WDR33: variants seen among roughly 807,000 people sequenced by gnomAD.
WDR33 encodes WD repeat domain 33, also known as pre-mRNA 3' end processing protein WDR33.
In WDR33, 47 loss-of-function variants were observed where a neutral mutation model predicts 164.9. That is an observed-to-expected ratio of 0.29 (90% CI 0.23 to 0.36). The LOEUF (loss-of-function observed/expected upper bound fraction) is 0.36, where lower values mean the gene tolerates loss of function less well. Among genes scored for constraint, WDR33 ranks in the 10% least tolerant of loss-of-function variants. The pLI is 1.00. For missense variants in WDR33, 1,137 were observed against 1,754.1 expected (o/e 0.65, Z 6.28); for synonymous variants, 505 against 589.0 (o/e 0.86, Z 2.06).
intron 1 of WDR33, among the ~76,000 whole-genome samples, chr2:127,783,016 A>G (rs1688428798): frequency 6.6e-6 from 1 of 152,266 alleles, no homozygotes; most frequent in South Asian, 2.1e-4. Flanking sequence ...CTCAAAAACT[A>G]ATAATAATAA....
At position 127,702,191 on chromosome 2, in the gene WDR33, C is replaced by T. The variant is rs748604528; in HGVS notation, c.*4132G>A. 4.9e-6 allele frequency: 6 copies of T among 1,214,092 alleles called. No individual in the cohort carries two copies. The highest frequency in any genetic ancestry group is 3.2e-5 in the African/African-American group (2 of 63,480). 75.2% of individuals were successfully genotyped at this position (1,214,092 alleles called of 1,614,324 possible). On this transcript the variant is annotated 3_prime_UTR_variant, in exon 22 of 22. Coordinates refer to ENST00000322313, the MANE Select transcript of WDR33 (RefSeq NM_018383.5). ...TGCCCGTGTGAGGACCTCGCGCCCT[C>T]GCCGCTGGGGAAGTACGCGGAGCCA...
chr2:127,775,565 C>G (rs572114220), intron 1 of WDR33, among the ~76,000 whole-genome samples: 1 of 152,200 alleles, frequency 6.6e-6, no homozygotes, highest in Admixed American at 6.5e-5. Flanking sequence ...GTGGAGAGTA[C>G]CTGGATACAA....
chr2:127,773,569 T>C (rs1007399309), intron 1 of WDR33, among the ~76,000 whole-genome samples: 1 of 152,196 alleles, frequency 6.6e-6, no homozygotes, highest in Admixed American at 6.5e-5. Flanking sequence ...TGAAATAAGA[T>C]GAAAAATATT....
At chr2:127,736,286 GA>G (rs1278647949) in intron 7 of WDR33, 2 of 985,280 alleles carry the variant, frequency 2.0e-6, no homozygotes, top group Non-Finnish European at 2.4e-6. Flanking sequence ...TCCGGGGGAG[GA>G]AGAGGAGACT....
At position 127,724,240 on chromosome 2, in the gene WDR33, T is replaced by G. The variant is rs1686509754; in HGVS notation, c.1196+93A>C. 1 of 930,696 alleles carries G rather than the reference T, an allele frequency of 1.1e-6. No homozygotes were observed. The highest frequency in any genetic ancestry group is 1.6e-6 in the Non-Finnish European group (1 of 618,036). 57.7% of individuals were successfully genotyped at this position (930,696 alleles called of 1,614,324 possible). Reference sequence around the variant, plus strand: ...TCCCAAGAATAAGTTGGAATATAAATTACTATATCAATCAACCAATAAAAA... The same window carrying G: ...TCCCAAGAATAAGTTGGAATATAAAGTACTATATCAATCAACCAATAAAAA... On this transcript the variant is annotated intron_variant, in intron 11 of 21. Transcript: ENST00000322313. The surrounding 1 kb of genome is among the most constrained non-coding windows in gnomAD (Gnocchi z 4.8).
chr2:127,723,060 C>A lies in WDR33; in HGVS notation c.1292-16G>T, dbSNP rs1227213481. 2 of 1,583,640 alleles carry A rather than the reference C, an allele frequency of 1.3e-6. No individual in the cohort carries two copies. Among genetic ancestry groups the A allele is most frequent in the African/African-American group, 2.7e-5 (2 of 73,454 alleles). On this transcript the variant is annotated splice_polypyrimidine_tract_variant and intron_variant, in intron 12 of 21. Coordinates refer to ENST00000322313, the MANE Select transcript of WDR33 (RefSeq NM_018383.5). This position sits in a 1 kb window ranked among gnomAD's most constrained non-coding sequence, Gnocchi z 5.9. ...TCGAGGTCATCTATAAATAGTAATA[C>A]ACCATTGTCAATAGAGAATTTACAA... is the stretch of plus-strand genomic sequence containing the variant.
intron 7 of WDR33, among the ~76,000 whole-genome samples, chr2:127,757,078 A>G (rs1451436333): frequency 8.0e-6 from 1 of 124,846 alleles, no homozygotes; most frequent in Non-Finnish European, 1.6e-5. Flanking sequence ...ACCTGTCTCC[A>G]AAAAAAAAAA....
At chr2:127,777,909 G>A (rs1443598648) in intron 1 of WDR33, among the ~76,000 whole-genome samples, 2 of 152,150 alleles carry the variant, frequency 1.3e-5, no homozygotes, top group Non-Finnish European at 2.9e-5. Context: ...ACTGCACCTG[G>A]TCAATTCTGC....
At chr2:127,734,619 C>T (rs1205643634) in intron 7 of WDR33, among the ~76,000 whole-genome samples, 3 of 152,130 alleles carry the variant, frequency 2.0e-5, no homozygotes, top group East Asian at 3.8e-4. Context: ...ATGATGCCAA[C>T]GTTTATTGAG....
chr2:127,760,978 A>G (rs866722333), intron 7 of WDR33, among the ~76,000 whole-genome samples: 1 of 152,186 alleles, frequency 6.6e-6, no homozygotes, highest in African/African-American at 2.4e-5. Context: ...TTATCTGAAA[A>G]TACTTAACTG....
chr2:127,765,459 G>C (rs1443801655), intron 4 of WDR33, among the ~76,000 whole-genome samples, 190 bp from the exon 5 acceptor site: 1 of 152,148 alleles, frequency 6.6e-6, no homozygotes, highest in African/African-American at 2.4e-5. Flanking sequence ...GAAAGCTCTA[G>C]TCCTTTGGTT....
chr2:127,709,377 C>G lies in WDR33; in HGVS notation c.3565+113G>C, dbSNP rs964947002. 2.0e-6 allele frequency: 2 copies of G among 1,019,280 alleles called. No individual in the cohort carries two copies. The highest frequency in any genetic ancestry group is 3.2e-5 in the African/African-American group (2 of 63,336). The allele number at this position is 1,019,280 out of a possible 1,614,324, so 63.1% of individuals were successfully genotyped here. ...TGCAGGACAGGAGACAGCCCAGCCC[C>G]CCGGGAGACATGAGCTGGAAAGAGG... On this transcript the variant is annotated intron_variant, in intron 20 of 21. Coordinates refer to ENST00000322313, the MANE Select transcript of WDR33 (RefSeq NM_018383.5). This position sits in a 1 kb window ranked among gnomAD's most constrained non-coding sequence, Gnocchi z 5.0.
intron 7 of WDR33, among the ~76,000 whole-genome samples, chr2:127,748,884 T>TAAAA (rs59425653): frequency 1.9e-5 from 2 of 105,018 alleles, no homozygotes. Flanking sequence ...AGCTGAAACT[T>TAAAA]AAAAAAAAAA....
rs566513372 is a variant in WDR33, at chr2:127,723,831, C to T, written c.1197-484G>A. 1.1e-3 allele frequency among the ~76,000 whole-genome samples: 162 copies of T among 152,080 alleles called. 2 individuals are homozygous for T. Among genetic ancestry groups the T allele is most frequent in the African/African-American group, 3.7e-3 (154 of 41,476 alleles). On this transcript the variant is annotated intron_variant, in intron 11 of 21. Transcript: ENST00000322313. The surrounding 1 kb of genome is among the most constrained non-coding windows in gnomAD (Gnocchi z 5.9). ...GTGGCTCATGCCTGTAATCCCAGCACCTTGGGAGGCTGAGGCAGGAGGATT... is the reference window on the plus strand; with the variant it reads ...GTGGCTCATGCCTGTAATCCCAGCATCTTGGGAGGCTGAGGCAGGAGGATT...
intron 1 of WDR33, among the ~76,000 whole-genome samples, chr2:127,794,464 G>C (rs921210857): frequency 6.6e-6 from 1 of 151,730 alleles, no homozygotes; most frequent in South Asian, 2.1e-4. Context: ...TTGCACCATC[G>C]CACCCCAGCC....
At chr2:127,804,837 G>C (rs1251347577) in intron 1 of WDR33, among the ~76,000 whole-genome samples, 1 of 152,152 alleles carries the variant, frequency 6.6e-6, no homozygotes, top group Non-Finnish European at 1.5e-5. Flanking sequence ...ATTTTGAGAA[G>C]TGAGGTACTC....
At chr2:127,751,011 T>C (rs1260929508) in intron 7 of WDR33, among the ~76,000 whole-genome samples, 1 of 151,802 alleles carries the variant, frequency 6.6e-6, no homozygotes, top group Non-Finnish European at 1.5e-5. Flanking sequence ...CTTGGGAACT[T>C]ACATTTGCAT....
chr2:127,756,334 CAAAAA>C (rs57883631), intron 7 of WDR33, among the ~76,000 whole-genome samples: 1 of 109,720 alleles, frequency 9.1e-6, no homozygotes, highest in Non-Finnish European at 1.9e-5. Context: ...ATTCCAACTC[CAAAAA>C]AAAAAAAAAA....
chr2:127,798,897 T>C (rs1208003806), intron 1 of WDR33: 2 of 152,080 alleles, frequency 1.3e-5, no homozygotes, highest in African/African-American at 2.4e-5. Flanking sequence ...GCTTTCTTTT[T>C]TTTTTTTTAA....
Sources: allele counts gnomAD v4.1 joint callset (sites outside exome capture counted in the v4.1 genomes callset), GRCh38; gene constraint gnomAD v4.1.1; non-coding constraint Gnocchi (gnomAD v3.1); transcripts MANE v1.5; gene names NCBI Gene and HGNC (gene_info 2026-07-23, HGNC 2026-07-21).